BATF: variants seen among roughly 807,000 people sequenced by gnomAD.
The protein encoded by BATF is basic leucine zipper transcriptional factor ATF-like.
BATF carries 5 observed loss-of-function variants against 13.7 expected under a neutral mutation model. That is an observed-to-expected ratio of 0.36 (90% CI 0.19 to 0.77). BATF has a LOEUF of 0.77. Ranked by LOEUF, BATF falls within the 30% of genes least tolerant of loss-of-function variation. The pLI, the probability that BATF is intolerant of heterozygous loss-of-function variation, is 0.51. For missense variants in BATF, 124 were observed against 163.0 expected (o/e 0.76, Z 1.30); for synonymous variants, 72 against 67.5 (o/e 1.07, Z -0.33).
chr14:75,530,099 G>A (rs1254216275), intron 2 of BATF, among the ~76,000 whole-genome samples: 1 of 149,694 alleles, frequency 6.7e-6, no homozygotes, highest in Admixed American at 6.7e-5. Context: ...AATGAACAAT[G>A]ACTATGAATA....
At chr14:75,529,638 A>C (rs561525423) in intron 2 of BATF, among the ~76,000 whole-genome samples, 1 of 152,338 alleles carries the variant, frequency 6.6e-6, no homozygotes, top group African/African-American at 2.4e-5. Context: ...ATAGATCAAA[A>C]TACTGTATGC....
At chr14:75,546,295 A>G (rs147654446) in intron 2 of BATF, among the ~76,000 whole-genome samples, 167 bp from the exon 3 acceptor site, 2 of 152,274 alleles carry the variant, frequency 1.3e-5, no homozygotes, top group East Asian at 3.9e-4. Flanking sequence ...CTACAAACAT[A>G]TATACACTTG....
chr14:75,535,114 C>A (rs17183663), intron 2 of BATF, among the ~76,000 whole-genome samples: 13,423 of 152,126 alleles, frequency 0.088, 719 homozygotes, highest in Non-Finnish European at 0.13. Context: ...AATAAGTATG[C>A]ATGTTTGTTC....
At chr14:75,532,852 G>A (rs1887757956) in intron 2 of BATF, among the ~76,000 whole-genome samples, 1 of 152,176 alleles carries the variant, frequency 6.6e-6, no homozygotes. Flanking sequence ...CGTAAAATTT[G>A]TGGGTTTTGG....
intron 2 of BATF, among the ~76,000 whole-genome samples, chr14:75,545,388 A>ATTTTTTTTTTT (rs35791450): frequency 6.1e-4 from 64 of 105,182 alleles, no homozygotes; most frequent in Non-Finnish European, 1.0e-3. Context: ...CGCCTGGTTA[A>ATTTTTTTTTTT]TTTTTTTTTT....
intron 2 of BATF, among the ~76,000 whole-genome samples, chr14:75,532,910 T>C (rs1015362490): frequency 9.2e-5 from 14 of 152,246 alleles, no homozygotes; most frequent in African/African-American, 3.4e-4. Context: ...TTCTCCAAAA[T>C]GCTAATAGCA....
rs554220543 is a variant in BATF, at chr14:75,531,296, A to C, written c.168+6108A>C. The stretch of plus-strand genomic sequence containing the variant: ...CCATCTTGGTTGGTTGGTCATGGCT[A>C]TCTGGTGCCGTACAGCTGGAAGGAT... On this transcript the variant is annotated intron_variant, in intron 2 of 2. Transcript: ENST00000286639. Among the ~76,000 whole-genome samples the C allele has an allele frequency of 3.9e-5, 6 of 152,332 alleles. No individual in the cohort carries two copies. The South Asian group carries it at 1.2e-3, about 32-fold the overall frequency.
intron 2 of BATF, among the ~76,000 whole-genome samples, chr14:75,531,507 A>G (rs1887733043): frequency 6.6e-6 from 1 of 152,224 alleles, no homozygotes; most frequent in African/African-American, 2.4e-5. Flanking sequence ...TGAGAGTAAC[A>G]GCCAAGTTTG....
At chr14:75,539,485 C>G (rs1037073421) in intron 2 of BATF, among the ~76,000 whole-genome samples, 1 of 115,928 alleles carries the variant, frequency 8.6e-6, no homozygotes, top group African/African-American at 3.4e-5. Flanking sequence ...TAGAGGAAGG[C>G]AAGGCAGAAG....
chr14:75,543,494 G>T (rs1887934483), intron 2 of BATF, among the ~76,000 whole-genome samples: 1 of 152,160 alleles, frequency 6.6e-6, no homozygotes, highest in African/African-American at 2.4e-5. Flanking sequence ...TAAGATGATT[G>T]ACAGTATAAC....
intron 2 of BATF, among the ~76,000 whole-genome samples, chr14:75,539,691 A>G (rs1354295516): frequency 6.6e-6 from 1 of 152,150 alleles, no homozygotes; most frequent in East Asian, 1.9e-4. Flanking sequence ...CTTCAGCTCT[A>G]AGACATGAAA....
At chr14:75,539,510 C>G (rs372629196) in intron 2 of BATF, among the ~76,000 whole-genome samples, 1 of 126,326 alleles carries the variant, frequency 7.9e-6, no homozygotes, top group Non-Finnish European at 1.6e-5. Context: ...TTGGGATGGA[C>G]GCTGAATGAA....
At chr14:75,531,764 T>C (rs921684551) in intron 2 of BATF, among the ~76,000 whole-genome samples, 1 of 152,180 alleles carries the variant, frequency 6.6e-6, no homozygotes, top group Non-Finnish European at 1.5e-5. Flanking sequence ...GGAAAAGATG[T>C]TTGGGTAGCA....
At chr14:75,539,555 G>T (rs1231855416) in intron 2 of BATF, among the ~76,000 whole-genome samples, 1 of 150,174 alleles carries the variant, frequency 6.7e-6, no homozygotes, top group African/African-American at 2.5e-5. Context: ...TGAGGGCAAT[G>T]AAATCATAGT....
At position 75,525,165 on chromosome 14, in the gene BATF, C is replaced by G. The variant is rs1351805453; in HGVS notation, c.145C>G (p.Gln49Glu). Residue 49 changes from glutamine (Q) to glutamate (E), a missense_variant, in exon 2 of 3, where the codon CAG (glutamine) becomes GAG (glutamate). Gln to Glu is a conservative substitution (Grantham distance 29). Transcript: ENST00000286639. ...AAQKSRQRQT[Q>E]KADTLHLESE... is the part of the protein sequence containing the mutation. ...CCAGAAGAGCCGACAGAGGCAGACA[C>G]AGAAGGCCGACACCCTGCACCTGGT... 1 of 1,613,896 alleles carries G rather than the reference C, an allele frequency of 6.2e-7. No individual in the cohort carries two copies. Among genetic ancestry groups the G allele is most frequent in the Non-Finnish European group, 8.5e-7 (1 of 1,179,976 alleles).
At chr14:75,534,419 T>A (rs1017052556) in intron 2 of BATF, among the ~76,000 whole-genome samples, 13 of 152,224 alleles carry the variant, frequency 8.5e-5, no homozygotes, top group Non-Finnish European at 1.9e-4. Flanking sequence ...AATTCTTTGT[T>A]GTTGGGGATT....
At chr14:75,529,821 T>C (rs553222383) in intron 2 of BATF, among the ~76,000 whole-genome samples, 7 of 152,054 alleles carry the variant, frequency 4.6e-5, no homozygotes, top group Admixed American at 4.6e-4. Flanking sequence ...TCCCAGCAAT[T>C]TGGGAGGCCG....
chr14:75,529,790 G>A (rs1213376380), intron 2 of BATF, among the ~76,000 whole-genome samples: 3 of 152,178 alleles, frequency 2.0e-5, no homozygotes, highest in Admixed American at 2.0e-4. Flanking sequence ...AATGGGCCGG[G>A]CGCGGCGGCT....
chr14:75,525,718 C>G (rs1396595863), intron 2 of BATF, among the ~76,000 whole-genome samples: 2 of 148,986 alleles, frequency 1.3e-5, no homozygotes, highest in East Asian at 3.9e-4. Flanking sequence ...GGAGGCTGAA[C>G]AGAGAAATGG....
Sources: gnomAD v4.1 joint callset for allele counts (sites outside exome capture counted in the v4.1 genomes callset) on GRCh38, gnomAD v4.1.1 for gene constraint, MANE v1.5 for transcripts, NCBI Gene and HGNC (gene_info 2026-07-23, HGNC 2026-07-21) for gene names.